KIF6: variants seen among roughly 807,000 people sequenced by gnomAD.
KIF6 encodes the protein kinesin-like protein KIF6.
KIF6 carries 106 observed loss-of-function variants against 112.7 expected under a neutral mutation model. The ratio of observed to expected loss-of-function variants is 0.94; its 90% CI spans 0.80 to 1.11. The LOEUF (loss-of-function observed/expected upper bound fraction) is 1.11. Among genes scored for constraint, KIF6 ranks in the 50% least tolerant of loss-of-function variants. The pLI is 0.00. For missense variants in KIF6, 929 were observed against 964.0 expected (o/e 0.96, Z 0.48); for synonymous variants, 339 against 339.9 (o/e 1.00, Z 0.03).
chr6:39,639,898 A>G, intron 3 of KIF6, 141 bp from the exon 4 acceptor site: 1 of 642,830 alleles, frequency 1.6e-6, no homozygotes, highest in Admixed American at 3.5e-5. Context: ...TATATATGTG[A>G]ATATCTAGCT....
At chr6:39,697,446 A>G (rs1353805223) in intron 3 of KIF6, among the ~76,000 whole-genome samples, 1 of 152,166 alleles carries the variant, frequency 6.6e-6, no homozygotes, top group Non-Finnish European at 1.5e-5. Context: ...CAGTTATGTA[A>G]GCCAATAAAT....
At chr6:39,495,427 C>T (rs750344313) in intron 13 of KIF6, among the ~76,000 whole-genome samples, 4 of 152,198 alleles carry the variant, frequency 2.6e-5, no homozygotes, top group Non-Finnish European at 5.9e-5. Flanking sequence ...CCCAGCCCCA[C>T]CCTAGCTTGA....
chr6:39,588,910 C>T (rs1230279320), intron 7 of KIF6, among the ~76,000 whole-genome samples: 5 of 152,214 alleles, frequency 3.3e-5, no homozygotes, highest in African/African-American at 7.2e-5. Flanking sequence ...ATTAGTCTCC[C>T]TGCTTCTACT....
chr6:39,375,804 A>G (rs916385891), intron 16 of KIF6, among the ~76,000 whole-genome samples: 1 of 152,162 alleles, frequency 6.6e-6, no homozygotes, highest in Non-Finnish European at 1.5e-5. Flanking sequence ...TATATTTCCT[A>G]TTGGTTCTGC....
At chr6:39,536,537 G>T (rs1778436615) in intron 13 of KIF6, among the ~76,000 whole-genome samples, 1 of 151,974 alleles carries the variant, frequency 6.6e-6, no homozygotes, top group Non-Finnish European at 1.5e-5. Flanking sequence ...TCTCTGAATA[G>T]ACCAATAACA....
At position 39,651,757 on chromosome 6, in the gene KIF6, G is replaced by C. The variant is rs574649721; in HGVS notation, c.252-12000C>G. On this transcript the variant is annotated intron_variant, in intron 3 of 22. Coordinates refer to ENST00000287152, the MANE Select transcript of KIF6 (RefSeq NM_145027.6). ...TAATCAAGGAGGAAAATTGCCCTTT[G>C]GCATAGAAAGGTAAATAAAAATACA... is the stretch of plus-strand genomic sequence containing the variant. 5.3e-5 allele frequency among the ~76,000 whole-genome samples: 8 copies of C among 152,236 alleles called. No individual in the cohort carries two copies. In the South Asian group the frequency reaches 1.7e-3, roughly 32 times the overall value.
In KIF6 at chr6:39,346,517, G is replaced by T; in HGVS notation, c.2190C>A (p.Gly730=). ...CAGTGCCTTGATCTTGGACTTCCCA[G>T]CCTCCAGAACTGTGAAAAATAAACG... The part of the protein sequence containing the change: ...SQLLSNKSSG[G]WEVQDQGTGR... Residue 730 remains glycine (G), a synonymous_variant, in exon 20 of 23, where the codon GGC becomes GGA. Transcript: ENST00000287152. 1.4e-6 allele frequency: 1 copy of T among 713,090 alleles called. No individual in the cohort carries two copies. 44.2% of individuals were successfully genotyped at this position (713,090 alleles called of 1,614,324 possible).
chr6:39,371,245 C>T (rs1407257793), intron 16 of KIF6, among the ~76,000 whole-genome samples: 1 of 152,082 alleles, frequency 6.6e-6, no homozygotes, highest in African/African-American at 2.4e-5. Flanking sequence ...CACGGGGCCA[C>T]CTAGAGGGGC....
intron 13 of KIF6, among the ~76,000 whole-genome samples, chr6:39,448,335 C>T (rs547094818): frequency 5.3e-5 from 8 of 152,042 alleles, no homozygotes; most frequent in East Asian, 1.9e-4. Flanking sequence ...CCACCACACC[C>T]GGCTGATTTT....
chr6:39,470,065 C>A (rs1004030697), intron 13 of KIF6, among the ~76,000 whole-genome samples: 2 of 152,026 alleles, frequency 1.3e-5, no homozygotes, highest in Non-Finnish European at 2.9e-5. Flanking sequence ...ATAAAACAAG[C>A]CTTCATAAAT....
intron 15 of KIF6, 23 bp from the exon 16 acceptor site, chr6:39,385,695 C>T: frequency 6.3e-7 from 1 of 1,590,970 alleles, no homozygotes; most frequent in Middle Eastern, 1.7e-4. Context: ...CAAAAGAAAA[C>T]TACCAGTGGG....
chr6:39,544,368 C>G (rs1295220059), intron 12 of KIF6, 187 bp downstream of exon 12: 2 of 454,640 alleles, frequency 4.4e-6, no homozygotes, highest in Non-Finnish European at 7.5e-6. Flanking sequence ...ACATTTTTTT[C>G]TTTTATAGAA....
chr6:39,501,199 G>A (rs1776115910), intron 13 of KIF6, among the ~76,000 whole-genome samples: 1 of 152,110 alleles, frequency 6.6e-6, no homozygotes, highest in East Asian at 1.9e-4. Flanking sequence ...AAGAACTGAG[G>A]CAACCAGGGT....
intron 22 of KIF6, among the ~76,000 whole-genome samples, chr6:39,338,765 G>A (rs113183360): frequency 0.015 from 2,302 of 152,282 alleles, 50 homozygotes; most frequent in African/African-American, 0.052. Context: ...GGCAAGAGCT[G>A]GGGGCCCGTG....
Position 39,539,099 on chromosome 6 carries a change from G to A in KIF6, c.1645+904C>T, listed in dbSNP as rs564746140. Among the ~76,000 whole-genome samples, 325 of 149,122 alleles carry A rather than the reference G, an allele frequency of 2.2e-3. 2 individuals carry two copies. The highest frequency in any genetic ancestry group is 7.4e-3 in the African/African-American group (300 of 40,388). ...GGGGGAGGGGGGAGGGATAGCATTG[G>A]GAGATATACCTAATGCTAAATGACA... On this transcript the variant is annotated intron_variant, in intron 13 of 22. Transcript: ENST00000287152.
At chr6:39,478,137 C>T (rs1444308047) in intron 13 of KIF6, among the ~76,000 whole-genome samples, 2 of 152,084 alleles carry the variant, frequency 1.3e-5, no homozygotes, top group African/African-American at 2.4e-5. Context: ...TTTTGGCACA[C>T]CCATCACCCT....
At chr6:39,579,874 C>T (rs991397313) in intron 9 of KIF6, among the ~76,000 whole-genome samples, 1 of 151,662 alleles carries the variant, frequency 6.6e-6, no homozygotes, top group African/African-American at 2.4e-5. Flanking sequence ...GTTTATTTTA[C>T]TATATATGGC....
At chr6:39,634,142 A>C (rs77089410) in intron 5 of KIF6, among the ~76,000 whole-genome samples, 10,671 of 152,268 alleles carry the variant, frequency 0.07, 417 homozygotes, top group Middle Eastern at 0.11. Flanking sequence ...GTATTTAATA[A>C]GAATATAAAG....
intron 1 of KIF6, among the ~76,000 whole-genome samples, chr6:39,722,730 G>A (rs1790291282): frequency 6.6e-6 from 1 of 152,124 alleles, no homozygotes; most frequent in South Asian, 2.1e-4. Flanking sequence ...AAGAAGATAT[G>A]GCATTAAACT....
Sources: gnomAD v4.1 joint callset for allele counts (sites outside exome capture counted in the v4.1 genomes callset) on GRCh38, gnomAD v4.1.1 for gene constraint, MANE v1.5 for transcripts, NCBI Gene and HGNC (gene_info 2026-07-23, HGNC 2026-07-21) for gene names.